GRIP1: variants seen among roughly 807,000 people sequenced by gnomAD.
GRIP1 encodes the protein glutamate receptor-interacting protein 1.
In GRIP1, 45 loss-of-function variants were observed where a neutral mutation model predicts 129.9. The observed-to-expected ratio is 0.35, with a 90% CI of 0.27 to 0.44. The LOEUF (loss-of-function observed/expected upper bound fraction) is 0.44, where lower values mean the gene tolerates loss of function less well. Ranked by LOEUF, GRIP1 falls within the 20% of genes least tolerant of loss-of-function variation. The probability of loss-of-function intolerance (pLI) is 1.00; values close to 1 mark genes in which losing one functional copy is unlikely to be tolerated. For synonymous variants in GRIP1, 530 were observed against 520.8 expected (o/e 1.02, Z -0.24); for missense variants, 1,196 against 1,396.8 (o/e 0.86, Z 2.29).
At chr12:66,548,642 C>T (rs1019091337) in intron 2 of GRIP1, among the ~76,000 whole-genome samples, 6 of 152,010 alleles carry the variant, frequency 3.9e-5, no homozygotes, top group African/African-American at 1.2e-4. Flanking sequence ...AGGAATTTTC[C>T]GGAGTTAGAG....
chr12:66,872,468 T>C (rs1477956331), intron 1 of GRIP1, among the ~76,000 whole-genome samples: 1 of 152,106 alleles, frequency 6.6e-6, no homozygotes, highest in Non-Finnish European at 1.5e-5. Flanking sequence ...TATTTATTTA[T>C]CCTATAATAA....
intron 11 of GRIP1, among the ~76,000 whole-genome samples, chr12:66,451,383 GTTTTTTTTTTTTTTT>G (rs1169331519): frequency 0.011 from 470 of 42,560 alleles, 7 homozygotes; most frequent in East Asian, 0.091. Context: ...ATTATAATCT[GTTTTTTTTTTTTTTT>G]TTTTTTTTTT....
intron 1 of GRIP1, among the ~76,000 whole-genome samples, chr12:66,850,966 G>A (rs1027793011): frequency 4.1e-5 from 6 of 147,618 alleles, no homozygotes; most frequent in Non-Finnish European, 7.5e-5. Context: ...ATGCAGCTAA[G>A]GTATCTAGTA....
chr12:66,510,398 T>G (rs976349680), intron 7 of GRIP1, among the ~76,000 whole-genome samples: 2 of 152,166 alleles, frequency 1.3e-5, no homozygotes, highest in African/African-American at 4.8e-5. Flanking sequence ...GTATCTCATC[T>G]AGCCTTGCAA....
At chr12:66,732,653 A>G (rs2036476403) in intron 1 of GRIP1, among the ~76,000 whole-genome samples, 1 of 152,120 alleles carries the variant, frequency 6.6e-6, no homozygotes, top group Non-Finnish European at 1.5e-5. Context: ...TTTTCTTAAC[A>G]CTTTTTCTCT....
Position 67,017,035 on chromosome 12 carries a change from G to A in GRIP1, c.58+52015C>T, listed in dbSNP as rs999159892. Among the ~76,000 whole-genome samples the A allele has an allele frequency of 2.6e-4, 40 of 152,174 alleles. 1 individual carries two copies. The highest frequency in any genetic ancestry group is 9.6e-5 in the African/African-American group (4 of 41,456). On this transcript the variant is annotated intron_variant, in intron 1 of 1. Transcript: ENST00000643019. ...TCTCTTCTCCGATTCATAATTGAGC[G>A]CTTACTCAATTGCACTATGCCAAGG...
chr12:66,974,761 A>T (rs1443317579), intron 1 of GRIP1, among the ~76,000 whole-genome samples: 2 of 152,214 alleles, frequency 1.3e-5, no homozygotes, highest in Non-Finnish European at 2.9e-5. Flanking sequence ...AGAAGTATCC[A>T]GGTCATAGAC....
intron 4 of GRIP1, among the ~76,000 whole-genome samples, chr12:66,534,073 A>G (rs2061540010): frequency 6.6e-6 from 1 of 152,156 alleles, no homozygotes; most frequent in African/African-American, 2.4e-5. Context: ...AGCTAAGTGA[A>G]AGGGGAACTT....
intron 7 of GRIP1, among the ~76,000 whole-genome samples, chr12:66,508,907 C>T (rs1431218546): frequency 6.6e-6 from 1 of 152,188 alleles, no homozygotes; most frequent in African/African-American, 2.4e-5. Context: ...GAGCAAGTTA[C>T]AAGTCAGTAC....
At chr12:66,840,695 C>G (rs75680224) in intron 1 of GRIP1, among the ~76,000 whole-genome samples, 7,231 of 152,226 alleles carry the variant, frequency 0.048, 223 homozygotes, top group Middle Eastern at 0.095. Context: ...ACCTACTGAA[C>G]TCCTACTGTG....
intron 7 of GRIP1, among the ~76,000 whole-genome samples, chr12:66,513,424 CATATTTT>C (rs1477590799): frequency 6.6e-6 from 1 of 151,946 alleles, no homozygotes; most frequent in Non-Finnish European, 1.5e-5. Flanking sequence ...GGAGAAATGA[CATATTTT>C]AGCTATTAAA....
chr12:66,539,562 T>TTTTTTTTC (rs2061710990), intron 3 of GRIP1, among the ~76,000 whole-genome samples: 2 of 147,466 alleles, frequency 1.4e-5, no homozygotes, highest in African/African-American at 5.1e-5. Flanking sequence ...TTTTTTTTTT[T>TTTTTTTTC]TTTTTTTCAG....
Position 67,014,077 on chromosome 12 carries a change from T to C in GRIP1, c.58+54973A>G, listed in dbSNP as rs1297379770. 9.9e-5 allele frequency among the ~76,000 whole-genome samples: 15 copies of C among 152,164 alleles called. 1 individual carries two copies. Among genetic ancestry groups the C allele is most frequent in the Non-Finnish European group, 2.1e-4 (14 of 68,020 alleles). On this transcript the variant is annotated intron_variant, in intron 1 of 1. Transcript: ENST00000643019. ...TGGAGACCAGCCCAAAGATAATCTG[T>C]ACACATGGAGACAGGTAAATGAATC...
rs571448713 is a variant in GRIP1, at chr12:66,667,033, G to A, written c.55+11817C>T. ...GAGGATTTGTTTATGTCTTTGTTTA[G>A]TAATTTTGCTTAGAGCTCAAAGGGC... On this transcript the variant is annotated intron_variant, in intron 1 of 24. Coordinates refer to ENST00000359742, the MANE Select transcript of GRIP1 (RefSeq NM_001366722.1). 3.3e-5 allele frequency among the ~76,000 whole-genome samples: 5 copies of A among 152,094 alleles called. No homozygotes were observed. In the South Asian group the frequency reaches 1.0e-3, roughly 32 times the overall value.
intron 7 of GRIP1, among the ~76,000 whole-genome samples, chr12:66,499,774 C>A (rs537494276): frequency 1.8e-4 from 28 of 152,170 alleles, no homozygotes; most frequent in African/African-American, 6.5e-4. Context: ...GAGGTCAAGG[C>A]GAGAAGATCA....
chr12:66,745,919 A>G (rs976233691), intron 1 of GRIP1, among the ~76,000 whole-genome samples: 3 of 152,164 alleles, frequency 2.0e-5, no homozygotes, highest in South Asian at 2.1e-4. Flanking sequence ...GCAACACCCA[A>G]TCAGAGATGG....
chr12:66,910,822 G>A (rs879825667), intron 1 of GRIP1, among the ~76,000 whole-genome samples: 14 of 152,024 alleles, frequency 9.2e-5, no homozygotes, highest in Admixed American at 1.3e-4. Context: ...GGACTCAGAG[G>A]GTACGTCCCT....
At chr12:66,507,850 A>T (rs548531937) in intron 7 of GRIP1, among the ~76,000 whole-genome samples, 27 of 151,970 alleles carry the variant, frequency 1.8e-4, no homozygotes, top group Non-Finnish European at 3.8e-4. Context: ...AATTCATGGC[A>T]GCCTCAAACT....
At chr12:66,891,530 G>A (rs924677130) in intron 1 of GRIP1, among the ~76,000 whole-genome samples, 3 of 152,136 alleles carry the variant, frequency 2.0e-5, no homozygotes, top group African/African-American at 4.8e-5. Context: ...AATGATGACC[G>A]AAGAATACAA....
Sources: gnomAD v4.1 joint callset for allele counts (sites outside exome capture counted in the v4.1 genomes callset) on GRCh38, gnomAD v4.1.1 for gene constraint, MANE v1.5 for transcripts, NCBI Gene and HGNC (gene_info 2026-07-23, HGNC 2026-07-21) for gene names.